The following ABCA10 variants were observed in gnomAD, a reference collection of about 807,000 sequenced individuals.
ABCA10 encodes ATP binding cassette subfamily A member 10.
ABCA10 carries 169 observed loss-of-function variants against 187.5 expected under a neutral mutation model. The observed-to-expected ratio is 0.90, with a 90% CI of 0.80 to 1.02. The LOEUF is 1.02. ABCA10 is among the 50% of genes least tolerant of loss of function. The pLI, the probability that ABCA10 is intolerant of heterozygous loss-of-function variation, is 0.00. For synonymous variants in ABCA10, 574 were observed against 601.8 expected, an observed-to-expected ratio of 0.95 and a Z score of 0.68; for missense variants, 1,727 against 1,812.4, an observed-to-expected ratio of 0.95 and a Z score of 0.86.
At chr17:69,225,880 C>T (rs941974260) in intron 2 of ABCA10, among the ~76,000 whole-genome samples, 1 of 151,988 alleles carries the variant, frequency 6.6e-6, no homozygotes, top group Non-Finnish European at 1.5e-5. Flanking sequence ...GAATTGGATC[C>T]TGCTTTTAGA....
intron 1 of ABCA10, among the ~76,000 whole-genome samples, chr17:69,238,152 A>G (rs1339617193): frequency 9.8e-6 from 1 of 102,032 alleles, no homozygotes; most frequent in African/African-American, 4.4e-5. Flanking sequence ...ACAGAGTGAG[A>G]CTCTGTCAAA....
chr17:69,231,448 G>T (rs1875597830), upstream of ABCA10, among the ~76,000 whole-genome samples: 1 of 152,032 alleles, frequency 6.6e-6, no homozygotes, highest in Non-Finnish European at 1.5e-5. Flanking sequence ...GTATCCCTTT[G>T]GTTCTAGTAT....
At chr17:69,183,613 C>A (rs72853616) in intron 20 of ABCA10, among the ~76,000 whole-genome samples, 7 of 152,174 alleles carry the variant, frequency 4.6e-5, no homozygotes, top group African/African-American at 1.7e-4. Context: ...GTTGAGATCA[C>A]GGGAGGATTT....
At chr17:69,219,795 T>C (rs1282035292) in intron 5 of ABCA10, 24 bp from the exon 6 acceptor site, 3 of 1,472,492 alleles carry the variant, frequency 2.0e-6, no homozygotes, top group African/African-American at 1.4e-5. Flanking sequence ...TTAGCAAATT[T>C]ATTATGTGAA....
At chr17:69,221,723 G>C in intron 5 of ABCA10, 69 bp downstream of exon 5, 1 of 1,351,072 alleles carries the variant, frequency 7.4e-7, no homozygotes, top group Non-Finnish European at 1.0e-6. Flanking sequence ...TAAGGTAGGG[G>C]ATGAGGCAGA....
Position 69,223,207 on chromosome 17 carries a change from TA to T in ABCA10, c.35-511del, listed in dbSNP as rs535761720. On this transcript the variant is annotated intron_variant, in intron 3 of 38. Coordinates refer to ENST00000690296, the MANE Select transcript of ABCA10 (RefSeq NM_001377321.1). Reference sequence around the variant, plus strand: ...ATAATTTAAGAATTAAAAGGAAAAATATTTAAAGTAAGCAATACAAATACTC... The same window carrying T: ...ATAATTTAAGAATTAAAAGGAAAAATTTTAAAGTAAGCAATACAAATACTC... 3.0e-3 allele frequency among the ~76,000 whole-genome samples: 452 copies of T among 152,226 alleles called. 3 individuals carry two copies. Among genetic ancestry groups the T allele is most frequent in the African/African-American group, 0.01 (434 of 41,508 alleles).
Position 69,149,094 on chromosome 17 carries a change from T to C in ABCA10, c.4478-6A>G, listed in dbSNP as rs755452644. ...CAGGTTGAAGGTCTGTTTCACTGCATGTAAAGAGACTGACATTAGTGGCTT... is the reference window on the plus strand; with the variant it reads ...CAGGTTGAAGGTCTGTTTCACTGCACGTAAAGAGACTGACATTAGTGGCTT... On this transcript the variant is annotated splice_polypyrimidine_tract_variant and splice_region_variant and intron_variant, in intron 37 of 38. Transcript: ENST00000690296. The C allele has an allele frequency of 1.2e-6, 2 of 1,613,702 alleles. No homozygotes were observed. The highest frequency in any genetic ancestry group is 1.3e-5 in the African/African-American group (1 of 74,896).
chr17:69,149,290 A>C, intron 37 of ABCA10: 1 of 552,962 alleles, frequency 1.8e-6, no homozygotes, highest in South Asian at 3.1e-5. Flanking sequence ...GTTTCCTATA[A>C]ACTCGAAAAA....
intron 27 of ABCA10, among the ~76,000 whole-genome samples, chr17:69,160,358 C>T (rs550739392): frequency 2.0e-4 from 30 of 152,130 alleles, no homozygotes; most frequent in Non-Finnish European, 3.5e-4. Flanking sequence ...CCTGCAATCC[C>T]AGCACTTTGG....
chr17:69,193,610 T>C lies in ABCA10; in HGVS notation c.1524A>G (p.Val508=), dbSNP rs2074477754. The C allele has an allele frequency of 1.9e-6, 3 of 1,600,956 alleles. No individual in the cohort carries two copies. The highest frequency in any genetic ancestry group is 2.3e-5 in the South Asian group (2 of 88,540). The part of the protein sequence containing the change: ...GIQPKEVEQE[V]KRIIMELDMQ... ...TGTCTAATTCCATTATAATTCTTTTTACCTATCAAAGAAAACTCTGTGTTA... is the reference window on the plus strand; with the variant it reads ...TGTCTAATTCCATTATAATTCTTTTCACCTATCAAAGAAAACTCTGTGTTA... Residue 508 remains valine (V), a splice_region_variant and synonymous_variant, in exon 14 of 39, where the codon GTA becomes GTG. Transcript: ENST00000690296.
intron 9 of ABCA10, among the ~76,000 whole-genome samples, chr17:69,208,409 C>T: frequency 9.5e-6 from 1 of 104,958 alleles, no homozygotes; most frequent in Non-Finnish European, 1.8e-5. Flanking sequence ...CAGGGCGAGA[C>T]TCTGTCTCAA....
chr17:69,173,457 C>A (rs917036742), intron 25 of ABCA10, among the ~76,000 whole-genome samples: 4 of 152,070 alleles, frequency 2.6e-5, no homozygotes, highest in African/African-American at 7.2e-5. Flanking sequence ...TTACCCTAAT[C>A]CCTTCACCCT....
At position 69,214,789 on chromosome 17, in the gene ABCA10, G is replaced by C. The variant is rs78810588; in HGVS notation, c.921C>G (p.Tyr307Ter). 4.0e-6 allele frequency: 6 copies of C among 1,508,204 alleles called. No homozygotes were observed. Among genetic ancestry groups the C allele is most frequent in the Non-Finnish European group, 5.3e-6 (6 of 1,133,948 alleles). The allele number at this position is 1,508,204 out of a possible 1,614,324, so 93.4% of individuals were successfully genotyped here. A position where few individuals can be genotyped will look rare whatever the true frequency, so the allele number is the denominator to read the frequency against. ...AAATGAAAAAAGTGGCTATCATTTTGTATGAATCCCCAGAGGGATCAGGAA... is the reference window on the plus strand; with the variant it reads ...AAATGAAAAAAGTGGCTATCATTTTCTATGAATCCCCAGAGGGATCAGGAA... ...VIFPDPSGDS[Y>*]KMIATFFILA... is the part of the protein sequence containing the mutation. The change falls in exon 9 of 39, where the codon TAC becomes TAG. Residue 307 changes from tyrosine to a stop codon, truncating the protein, a stop_gained. Coordinates refer to ENST00000690296, the MANE Select transcript of ABCA10 (RefSeq NM_001377321.1). LOFTEE classifies it high-confidence loss of function.
rs779906670 is a variant in ABCA10, at chr17:69,216,288, A to G, written c.601T>C (p.Ser201Pro). The stretch of plus-strand genomic sequence containing the variant: ...CCAGTATGAAATACAATTGGGATTG[A>G]TGTTATGACCAGAGCCATAAAAATG... ...MSIFMALVIT[S>P]IPIVFHTGFM... is the part of the protein sequence containing the mutation. The change falls in exon 7 of 39, where the codon TCA becomes CCA. Residue 201 changes from serine to proline, a missense_variant. Physicochemically the swap from Ser to Pro is moderately conservative, Grantham distance 74. Coordinates refer to ENST00000690296, the MANE Select transcript of ABCA10 (RefSeq NM_001377321.1). The G allele has an allele frequency of 1.2e-6, 2 of 1,613,316 alleles. No individual in the cohort carries two copies. Among genetic ancestry groups the G allele is most frequent in the African/African-American group, 2.7e-5 (2 of 74,906 alleles).
At chr17:69,205,334 G>A (rs575853641) in intron 9 of ABCA10, among the ~76,000 whole-genome samples, 81 of 152,178 alleles carry the variant, frequency 5.3e-4, no homozygotes, top group Admixed American at 1.0e-3. Context: ...AACACACTTT[G>A]TTCATCCTGA....
rs2074246486 is a variant in ABCA10 at position 69,165,152 on chromosome 17, A to G, written c.3163-69T>C. ...TGATATCTTAAGATATTTCCTGTGA[A>G]TAACCTGTTTTCCTGGGAGATACTG... On this transcript the variant is annotated intron_variant, in intron 25 of 38. Transcript: ENST00000690296. The G allele has an allele frequency of 1.3e-5, 17 of 1,296,474 alleles. No homozygotes were observed. In the Middle Eastern group the frequency reaches 6.1e-4, roughly 46 times the overall value. The allele number at this position is 1,296,474 out of a possible 1,614,324, so 80.3% of individuals were successfully genotyped here.
chr17:69,187,995 G>T, intron 18 of ABCA10, 116 bp from the exon 19 acceptor site: 1 of 872,038 alleles, frequency 1.1e-6, no homozygotes, highest in Non-Finnish European at 1.7e-6. Flanking sequence ...TTAAGCTACT[G>T]ATATCCATAA....
chr17:69,180,470 A>G (rs1233136172), intron 22 of ABCA10, among the ~76,000 whole-genome samples: 2 of 152,194 alleles, frequency 1.3e-5, no homozygotes, highest in Non-Finnish European at 2.9e-5. Context: ...CATCTGCTGA[A>G]AAGTCCTGGA....
chr17:69,211,119 T>C (rs1263743520), intron 9 of ABCA10, among the ~76,000 whole-genome samples: 1 of 150,836 alleles, frequency 6.6e-6, no homozygotes, highest in Non-Finnish European at 1.5e-5. Flanking sequence ...CCAGCAATCC[T>C]ACTACTAGTT....
Sources: gnomAD v4.1 joint callset for allele counts (sites outside exome capture counted in the v4.1 genomes callset) on GRCh38, gnomAD v4.1.1 for gene constraint, MANE v1.5 for transcripts, NCBI Gene and HGNC (gene_info 2026-07-23, HGNC 2026-07-21) for gene names.